RGMA: variants seen among roughly 807,000 people sequenced by gnomAD.
RGMA encodes repulsive guidance molecule BMP co-receptor a.
Under a neutral mutation model 23.2 loss-of-function variants are expected in RGMA, and 10 were observed. The observed-to-expected ratio is 0.43, with a 90% CI of 0.27 to 0.73. The LOEUF is 0.73. RGMA is among the 30% of genes least tolerant of loss of function. The pLI is 0.20. For missense variants in RGMA, 547 were observed against 630.5 expected (o/e 0.87, Z 1.42); for synonymous variants, 308 against 279.3 (o/e 1.10, Z -1.03).
At chr15:93,085,290 G>A (rs185781465) in intron 1 of RGMA, among the ~76,000 whole-genome samples, 1 of 152,328 alleles carries the variant, frequency 6.6e-6, no homozygotes, top group East Asian at 1.9e-4. Context: ...CAAGACAGAA[G>A]TCAATGAGTT....
Position 93,052,319 on chromosome 15 carries a change from C to T in RGMA, c.319G>A (p.Glu107Lys). ...LAYHSAVHGI[E>K]DLMSQHNCSK... ...CAGTTGTGCTGGCTCATGAGGTCCT[C>T]TATGCCATGGACGGCCGAGTGGTAG... Residue 107 changes from glutamate (E) to lysine (K), a missense_variant, in exon 3 of 4, where the codon GAG becomes AAG. Transcript: ENST00000329082. The T allele has an allele frequency of 1.2e-6, 2 of 1,604,160 alleles. No individual in the cohort carries two copies. Among genetic ancestry groups the T allele is most frequent in the East Asian group, 2.2e-5 (1 of 44,842 alleles).
intron 1 of RGMA, 97 bp from the exon 2 acceptor site, chr15:93,073,128 C>G (rs879515629): frequency 6.2e-6 from 8 of 1,291,980 alleles, no homozygotes; most frequent in Admixed American, 8.0e-5. Flanking sequence ...CGGGAGGCTC[C>G]GTCCACCTCG....
chr15:93,040,744 C>G lies in RGMA; in HGVS notation c.*4254G>C, dbSNP rs181107821. The G allele has an allele frequency of 6.6e-6, 1 of 152,240 alleles. No homozygotes were observed. Among genetic ancestry groups the G allele is most frequent in the African/African-American group, 2.4e-5 (1 of 41,420 alleles). The allele number at this position is 152,240 out of a possible 1,614,324, so 9.4% of individuals were successfully genotyped here. On this transcript the variant is annotated 3_prime_UTR_variant, in exon 4 of 4. Transcript: ENST00000329082. ...TGGGTCATTGCGGTAGCCCCTCACA[C>G]CCCCCTGAACAATGCTGGGTAGACA...
At chr15:93,048,278 G>A (rs1190884056) in intron 3 of RGMA, among the ~76,000 whole-genome samples, 3 of 152,148 alleles carry the variant, frequency 2.0e-5, no homozygotes, top group East Asian at 3.9e-4. Flanking sequence ...AACAGAGGGA[G>A]ACCCTAGGCC....
chr15:93,051,670 A>G (rs536871167), intron 3 of RGMA, among the ~76,000 whole-genome samples: 5 of 152,218 alleles, frequency 3.3e-5, no homozygotes, highest in South Asian at 4.1e-4. Flanking sequence ...CAGGTTCTGG[A>G]GTCACCCGGG....
chr15:93,049,058 C>T (rs781471075), intron 3 of RGMA, among the ~76,000 whole-genome samples: 6 of 152,236 alleles, frequency 3.9e-5, no homozygotes, highest in African/African-American at 4.8e-5. Context: ...GGGACTCAAC[C>T]GCAAGTAACA....
At chr15:93,082,201 G>A (rs950063427) in intron 1 of RGMA, among the ~76,000 whole-genome samples, 1 of 152,200 alleles carries the variant, frequency 6.6e-6, no homozygotes, top group Non-Finnish European at 1.5e-5. Flanking sequence ...CTACAATAGT[G>A]CCTACTATGT....
Position 93,073,047 on chromosome 15 carries a change from A to G in RGMA, c.15-16T>C, listed in dbSNP as rs1167153194. On this transcript the variant is annotated splice_polypyrimidine_tract_variant and intron_variant, in intron 1 of 3. Coordinates refer to ENST00000329082, the MANE Select transcript of RGMA (RefSeq NM_020211.3). ...TAGCCTCTCCCTGGAAGAAGAGTTC[A>G]GAAAAAAAGAAGAAAATAAATCACG... is the stretch of plus-strand genomic sequence containing the variant. 1.3e-5 allele frequency: 19 copies of G among 1,503,062 alleles called. No individual in the cohort carries two copies. The highest frequency in any genetic ancestry group is 1.7e-5 in the Non-Finnish European group (19 of 1,132,736). The allele number at this position is 1,503,062 out of a possible 1,614,324, so 93.1% of individuals were successfully genotyped here.
intron 2 of RGMA, among the ~76,000 whole-genome samples, chr15:93,057,698 AG>A (rs1429838384): frequency 3.9e-5 from 6 of 152,224 alleles, no homozygotes; most frequent in Non-Finnish European, 8.8e-5. Flanking sequence ...AGAAGCTGCC[AG>A]TATCACTGGA....
At chr15:93,078,515 C>T (rs543692882) in intron 1 of RGMA, among the ~76,000 whole-genome samples, 3 of 152,166 alleles carry the variant, frequency 2.0e-5, no homozygotes, top group Non-Finnish European at 2.9e-5. Flanking sequence ...CTTTAAGGGC[C>T]GTCCTGGGGT....
chr15:93,083,203 A>G (rs1895585641), intron 1 of RGMA, among the ~76,000 whole-genome samples: 1 of 152,264 alleles, frequency 6.6e-6, no homozygotes. Flanking sequence ...TCAGAGAAAA[A>G]TAACAGCAAT....
In RGMA at chr15:93,045,522, T is replaced by C. The variant is rs750652505; in HGVS notation, c.829A>G (p.Ile277Val). 7 of 1,613,200 alleles carry C rather than the reference T, an allele frequency of 4.3e-6. No individual in the cohort carries two copies. The highest frequency in any genetic ancestry group is 2.2e-5 in the East Asian group (1 of 44,876). The change falls in exon 4 of 4, where the codon ATC becomes GTC. Residue 277 changes from isoleucine (I) to valine (V), a missense_variant. By Grantham distance (29) the Ile-to-Val change is conservative. Coordinates refer to ENST00000329082, the MANE Select transcript of RGMA (RefSeq NM_020211.3). This position sits in a 1 kb window ranked among gnomAD's most constrained non-coding sequence, Gnocchi z 6.9. ...GQHVEIQAKY[I>V]GTTIVVRQVG... ...TGGCGCACCACGATGGTGGTGCCGA[T>C]GTACTTGGCCTGGATCTCCACGTGC... is the stretch of plus-strand genomic sequence containing the variant.
rs1033699616 is a variant in RGMA at position 93,038,555 on chromosome 15, C to T, written c.*6443G>A. The T allele has an allele frequency of 8.0e-5, 9 of 112,150 alleles. No homozygotes were observed. The highest frequency in any genetic ancestry group is 5.0e-4 in the South Asian group (2 of 4,040). 6.9% of individuals were successfully genotyped at this position (112,150 alleles called of 1,614,324 possible). On this transcript the variant is annotated 3_prime_UTR_variant, in exon 4 of 4. Transcript: ENST00000329082. ...GCCCCATGGACATTGCCTTAATGAACGAAACTGTTAGTTGTTTTTTTTTTT... is the reference window on the plus strand; with the variant it reads ...GCCCCATGGACATTGCCTTAATGAATGAAACTGTTAGTTGTTTTTTTTTTT...
chr15:93,057,806 T>C (rs1456442559), intron 2 of RGMA, among the ~76,000 whole-genome samples: 1 of 152,136 alleles, frequency 6.6e-6, no homozygotes, highest in African/African-American at 2.4e-5. Context: ...CGCCCAGGGA[T>C]TGCCCAGGCC....
At chr15:93,070,320 G>A (rs1398962374) in intron 2 of RGMA, among the ~76,000 whole-genome samples, 1 of 152,226 alleles carries the variant, frequency 6.6e-6, no homozygotes, top group Non-Finnish European at 1.5e-5. Flanking sequence ...AGCCATTCAA[G>A]CTGACTAGCA....
Position 93,050,629 on chromosome 15 carries a change from C to T in RGMA, c.645+1364G>A, listed in dbSNP as rs11633203. Among the ~76,000 whole-genome samples the T allele has an allele frequency of 3.1e-3, 467 of 152,334 alleles. 2 individuals are homozygous for T. Among genetic ancestry groups the T allele is most frequent in the Non-Finnish European group, 5.4e-3 (369 of 68,014 alleles). On this transcript the variant is annotated intron_variant, in intron 3 of 3. Transcript: ENST00000329082. ...ACATCACCCCCATCCATAATGGGGG[C>T]AGCAGCCCAGCCTCCCTGCACACAA...
chr15:93,063,601 C>T (rs934053762), intron 2 of RGMA, among the ~76,000 whole-genome samples: 3 of 152,196 alleles, frequency 2.0e-5, no homozygotes, highest in South Asian at 2.1e-4. Context: ...CAGGTGAGCG[C>T]GGGATTTTTC....
chr15:93,059,351 C>G (rs2055065989), intron 2 of RGMA, among the ~76,000 whole-genome samples: 1 of 152,208 alleles, frequency 6.6e-6, no homozygotes, highest in Non-Finnish European at 1.5e-5. Flanking sequence ...GGAGCAGCGG[C>G]TGCTGCCAAC....
intron 2 of RGMA, among the ~76,000 whole-genome samples, chr15:93,053,772 A>C (rs2054967038): frequency 6.6e-6 from 1 of 152,204 alleles, no homozygotes. Context: ...CCCAGATCAC[A>C]GACTTGAGCA....
Sources: gnomAD v4.1 joint callset for allele counts (sites outside exome capture counted in the v4.1 genomes callset) on GRCh38, gnomAD v4.1.1 for gene constraint, Gnocchi (gnomAD v3.1) non-coding constraint, MANE v1.5 for transcripts, NCBI Gene and HGNC (gene_info 2026-07-23, HGNC 2026-07-21) for gene names.